The following SIM1 variants were observed in gnomAD, a reference collection of about 807,000 sequenced individuals.
The protein encoded by SIM1 is SIM bHLH transcription factor 1.
A neutral mutation model predicts 78.2 loss-of-function variants in SIM1; 18 were observed. The ratio of observed to expected loss-of-function variants is 0.23; its 90% CI spans 0.16 to 0.34. The LOEUF (loss-of-function observed/expected upper bound fraction) is 0.34. Among genes scored for constraint, SIM1 ranks in the 10% least tolerant of loss-of-function variants. SIM1 has a pLI of 1.00. For synonymous variants in SIM1, 417 were observed against 385.2 expected, an observed-to-expected ratio of 1.08 and a Z score of -0.97; for missense variants, 939 against 975.1, an observed-to-expected ratio of 0.96 and a Z score of 0.49.
intron 10 of SIM1, among the ~76,000 whole-genome samples, chr6:100,396,351 T>A (rs1770766878): frequency 6.6e-6 from 1 of 151,908 alleles, no homozygotes; most frequent in Non-Finnish European, 1.5e-5. Flanking sequence ...TTGAGCCCTG[T>A]TAAGAGGGGG....
intron 3 of SIM1, among the ~76,000 whole-genome samples, chr6:100,452,495 G>T (rs538989161): frequency 2.3e-4 from 35 of 152,208 alleles, no homozygotes; most frequent in Non-Finnish European, 4.1e-4. Context: ...CCAGTGAAGA[G>T]CATGATGGGT....
intron 3 of SIM1, among the ~76,000 whole-genome samples, chr6:100,452,053 T>C (rs980572491): frequency 6.6e-6 from 1 of 152,058 alleles, no homozygotes; most frequent in Admixed American, 6.6e-5. Flanking sequence ...CTAGGGGACA[T>C]TACAGCATTT....
intron 9 of SIM1, among the ~76,000 whole-genome samples, chr6:100,438,366 A>G (rs1772113678): frequency 6.6e-6 from 1 of 152,236 alleles, no homozygotes; most frequent in South Asian, 2.1e-4. Context: ...AGAAATGCTC[A>G]ACATTACTAA....
chr6:100,390,077 T>C lies in SIM1; in HGVS notation c.*284A>G, dbSNP rs1031624979. 2.0e-6 allele frequency: 1 copy of C among 500,592 alleles called. No individual in the cohort carries two copies. Among genetic ancestry groups the C allele is most frequent in the South Asian group, 2.9e-5 (1 of 34,386 alleles). The allele number at this position is 500,592 out of a possible 1,614,324, so 31.0% of individuals were successfully genotyped here. On this transcript the variant is annotated 3_prime_UTR_variant, in exon 12 of 12. Coordinates refer to ENST00000369208, the MANE Select transcript of SIM1 (RefSeq NM_005068.3). Reference sequence around the variant, plus strand: ...CATCAGTCCTCTCATGTAGTATATATGCACACTTGATCTACATGAATATTT... The same window carrying C: ...CATCAGTCCTCTCATGTAGTATATACGCACACTTGATCTACATGAATATTT...
intron 10 of SIM1, among the ~76,000 whole-genome samples, chr6:100,419,496 A>G (rs1582288046): frequency 1.3e-5 from 2 of 152,382 alleles, no homozygotes; most frequent in East Asian, 3.9e-4. Flanking sequence ...AGATATCAAC[A>G]GAATAACATA....
chr6:100,429,825 C>T (rs899640378), intron 9 of SIM1, among the ~76,000 whole-genome samples: 8 of 152,084 alleles, frequency 5.3e-5, no homozygotes, highest in African/African-American at 1.9e-4. Context: ...TTTCTTCTTT[C>T]TGTATATTAA....
chr6:100,400,433 AT>A (rs1360903920), intron 10 of SIM1, among the ~76,000 whole-genome samples: 1 of 152,070 alleles, frequency 6.6e-6, no homozygotes, highest in East Asian at 1.9e-4. Context: ...AAAAATGGAA[AT>A]TAAAAACACA....
chr6:100,453,490 G>C (rs1170680529), intron 3 of SIM1, among the ~76,000 whole-genome samples: 1 of 152,010 alleles, frequency 6.6e-6, no homozygotes, highest in Non-Finnish European at 1.5e-5. Context: ...CTTGGTTAGG[G>C]GCCTCGTTGG....
chr6:100,429,439 T>A (rs1771836728), intron 9 of SIM1, among the ~76,000 whole-genome samples: 1 of 151,486 alleles, frequency 6.6e-6, no homozygotes, highest in African/African-American at 2.4e-5. Context: ...TAATTATAAA[T>A]AATCAAATAA....
chr6:100,462,174 C>A (rs994044535), intron 2 of SIM1, among the ~76,000 whole-genome samples: 3 of 151,984 alleles, frequency 2.0e-5, no homozygotes, highest in African/African-American at 7.3e-5. Context: ...AACCACAAAC[C>A]CCAAACATCT....
At position 100,412,729 on chromosome 6, in the gene SIM1, AAG is replaced by A. The variant is rs1459050074; in HGVS notation, c.1167+8059_1167+8060del. 1.1e-4 allele frequency among the ~76,000 whole-genome samples: 15 copies of A among 141,038 alleles called. 1 individual carries two copies. Among genetic ancestry groups the A allele is most frequent in the African/African-American group, 4.2e-4 (15 of 35,392 alleles). The allele number at this position is 141,038 out of a possible 152,430, so 92.5% of individuals were successfully genotyped here. A position where few individuals can be genotyped will look rare whatever the true frequency, so the allele number is the denominator to read the frequency against. On this transcript the variant is annotated intron_variant, in intron 10 of 11. Transcript: ENST00000369208. Reference sequence around the variant, plus strand: ...AAAGAAAGAAAGAAAGAAAGAAAGAAAGAAAGAAAGAAAGAAAGAAAGAAAAA... The same window carrying A: ...AAAGAAAGAAAGAAAGAAAGAAAGAAAAAGAAAGAAAGAAAGAAAGAAAAA...
rs375710742 is a variant in SIM1, at chr6:100,450,451, T to C, written c.259-95A>G. On this transcript the variant is annotated intron_variant, in intron 3 of 11. Transcript: ENST00000369208. ...GAAGTTAGTGACTTTCAGCCAAAAG[T>C]GTAGAGAGATGGAGTGGAGCAGGTT... 1.0e-5 allele frequency: 11 copies of C among 1,055,866 alleles called. No homozygotes were observed. The African/African-American group carries it at 1.1e-4, about 10-fold the overall frequency. 65.4% of individuals were successfully genotyped at this position (1,055,866 alleles called of 1,614,324 possible).
intron 10 of SIM1, among the ~76,000 whole-genome samples, chr6:100,402,419 T>C (rs1444514430): frequency 6.6e-6 from 1 of 152,094 alleles, no homozygotes; most frequent in Admixed American, 6.5e-5. Context: ...GTACCAACAG[T>C]TTTTATCATT....
chr6:100,395,981 A>T (rs1770756202), intron 10 of SIM1: 1 of 452,196 alleles, frequency 2.2e-6, no homozygotes, highest in South Asian at 9.3e-5. Context: ...TCAAGAAAAA[A>T]AATTAGAAAA....
At chr6:100,447,732 A>C (rs1020031048) in intron 8 of SIM1, among the ~76,000 whole-genome samples, 1 of 152,226 alleles carries the variant, frequency 6.6e-6, no homozygotes, top group Non-Finnish European at 1.5e-5. Context: ...GGCTCTGGGC[A>C]GCTGAGCTCC....
intron 10 of SIM1, among the ~76,000 whole-genome samples, chr6:100,412,573 AAG>A (rs1771226671): frequency 1.8e-5 from 2 of 110,684 alleles, no homozygotes; most frequent in East Asian, 1.0e-3. Flanking sequence ...GAAAGAAAGA[AAG>A]AAAGAAAGAA....
chr6:100,461,651 C>G (rs1022794917), intron 2 of SIM1, among the ~76,000 whole-genome samples: 1 of 152,026 alleles, frequency 6.6e-6, no homozygotes, highest in African/African-American at 2.4e-5. Flanking sequence ...CAGCGGAGTT[C>G]GCAATAGCTT....
intron 9 of SIM1, among the ~76,000 whole-genome samples, chr6:100,445,551 T>C (rs539400174): frequency 6.6e-6 from 1 of 152,286 alleles, no homozygotes; most frequent in Non-Finnish European, 1.5e-5. Flanking sequence ...GAAGAAGAAA[T>C]GTACACTTAT....
intron 2 of SIM1, chr6:100,463,011 A>ACT: frequency 2.9e-6 from 1 of 340,182 alleles, no homozygotes; most frequent in Non-Finnish European, 5.3e-6. Context: ...AATTGAGCCT[A>ACT]GTATCTGAAG....
Sources: gnomAD v4.1 joint callset for allele counts (sites outside exome capture counted in the v4.1 genomes callset) on GRCh38, gnomAD v4.1.1 for gene constraint, MANE v1.5 for transcripts, NCBI Gene and HGNC (gene_info 2026-07-23, HGNC 2026-07-21) for gene names.